The following MAPK4 variants were observed in gnomAD, a reference collection of about 807,000 sequenced individuals.
MAPK4 encodes mitogen-activated protein kinase 4.
Under a neutral mutation model 47.7 loss-of-function variants are expected in MAPK4, and 22 were observed. The observed-to-expected ratio is 0.46, with a 90% CI of 0.33 to 0.66. MAPK4 has a LOEUF of 0.66. Among genes scored for constraint, MAPK4 ranks in the 30% least tolerant of loss-of-function variants. The pLI is 0.02. For synonymous variants in MAPK4, 390 were observed against 365.7 expected (o/e 1.07, Z -0.76); for missense variants, 736 against 831.7 (o/e 0.88, Z 1.42).
intron 1 of MAPK4, among the ~76,000 whole-genome samples, chr18:50,579,270 C>T (rs2042323395): frequency 6.6e-6 from 1 of 152,232 alleles, no homozygotes; most frequent in East Asian, 1.9e-4. Flanking sequence ...GGGTACATGG[C>T]CTGTGCATCA....
intron 1 of MAPK4, among the ~76,000 whole-genome samples, chr18:50,584,370 A>T (rs1376509102): frequency 6.6e-6 from 1 of 152,180 alleles, no homozygotes; most frequent in Non-Finnish European, 1.5e-5. Flanking sequence ...CAGTGACCGA[A>T]CATGAGGCTG....
intron 1 of MAPK4, among the ~76,000 whole-genome samples, chr18:50,622,916 A>C (rs888688390): frequency 6.6e-6 from 1 of 152,248 alleles, no homozygotes; most frequent in Non-Finnish European, 1.5e-5. Context: ...TGACCTGTAC[A>C]GTCAGATACA....
chr18:50,713,411 G>C (rs954412800), intron 2 of MAPK4, among the ~76,000 whole-genome samples: 1 of 152,234 alleles, frequency 6.6e-6, no homozygotes, highest in East Asian at 1.9e-4. Flanking sequence ...GTAGTCAAGT[G>C]TATAAAAGAA....
intron 1 of MAPK4, among the ~76,000 whole-genome samples, chr18:50,572,866 C>T (rs1013600030): frequency 4.6e-5 from 7 of 152,150 alleles, no homozygotes; most frequent in Admixed American, 4.6e-4. Context: ...ATTTAATTAT[C>T]ACCACCAAAA....
chr18:50,619,384 G>C (rs1007302563), intron 1 of MAPK4, among the ~76,000 whole-genome samples: 1 of 152,214 alleles, frequency 6.6e-6, no homozygotes, highest in African/African-American at 2.4e-5. Flanking sequence ...ATACCACATA[G>C]CTCACTGTAA....
At chr18:50,597,679 A>G (rs2042495029) in intron 1 of MAPK4, among the ~76,000 whole-genome samples, 2 of 152,358 alleles carry the variant, frequency 1.3e-5, no homozygotes, top group South Asian at 2.1e-4. Flanking sequence ...CCCCCAGGAC[A>G]TAGCATAGTG....
intron 1 of MAPK4, among the ~76,000 whole-genome samples, chr18:50,644,483 G>C (rs1441378067): frequency 6.6e-6 from 1 of 152,114 alleles, no homozygotes; most frequent in African/African-American, 2.4e-5. Context: ...GGAAGGAACT[G>C]CTTTCCTTAC....
chr18:50,561,522 A>G (rs2042153270), intron 1 of MAPK4, among the ~76,000 whole-genome samples: 1 of 152,204 alleles, frequency 6.6e-6, no homozygotes, highest in African/African-American at 2.4e-5. Flanking sequence ...CAAGATAGCT[A>G]TGCTATGACC....
intron 1 of MAPK4, among the ~76,000 whole-genome samples, chr18:50,591,083 G>C (rs1003677101): frequency 2.0e-5 from 3 of 152,296 alleles, no homozygotes; most frequent in East Asian, 1.9e-4. Flanking sequence ...ACAATAATTG[G>C]CCTGACTTCT....
At chr18:50,644,146 C>T (rs898898610) in intron 1 of MAPK4, among the ~76,000 whole-genome samples, 1 of 152,040 alleles carries the variant, frequency 6.6e-6, no homozygotes, top group Non-Finnish European at 1.5e-5. Flanking sequence ...GGACACTTTG[C>T]TTAGATAACT....
Position 50,715,065 on chromosome 18 carries a change from A to T in MAPK4, c.547-14A>T. On this transcript the variant is annotated splice_polypyrimidine_tract_variant and intron_variant, in intron 2 of 5. Transcript: ENST00000400384. The stretch of plus-strand genomic sequence containing the variant: ...AAATGACTGATCAGTGGAACCAGAA[A>T]TTTTGTCTTTCAGGGTTATCTGTCA... 1 of 1,612,234 alleles carries T rather than the reference A, an allele frequency of 6.2e-7. No individual in the cohort carries two copies. The highest frequency in any genetic ancestry group is 1.7e-5 in the Admixed American group (1 of 59,576).
At chr18:50,644,277 G>A (rs1456317556) in intron 1 of MAPK4, among the ~76,000 whole-genome samples, 1 of 152,048 alleles carries the variant, frequency 6.6e-6, no homozygotes, top group Admixed American at 6.5e-5. Flanking sequence ...GAGGGAGACA[G>A]AAGAGCAGCT....
At chr18:50,645,131 C>T (rs16952303) in intron 1 of MAPK4, among the ~76,000 whole-genome samples, 3 of 152,258 alleles carry the variant, frequency 2.0e-5, no homozygotes, top group Non-Finnish European at 2.9e-5. Flanking sequence ...GCGAAAGACA[C>T]GCTCAGAGGC....
rs1158859265 is a variant in MAPK4 at position 50,729,070 on chromosome 18, G to C, written c.1068-88G>C. ...ATGGGGGTCGAAGGCAGGTGTGTGAGTGGCAAACAGGGATTAGAGGGCTTG... is the reference window on the plus strand; with the variant it reads ...ATGGGGGTCGAAGGCAGGTGTGTGACTGGCAAACAGGGATTAGAGGGCTTG... On this transcript the variant is annotated intron_variant, in intron 5 of 5. Coordinates refer to ENST00000400384, the MANE Select transcript of MAPK4 (RefSeq NM_002747.4). 5.1e-6 allele frequency: 6 copies of C among 1,172,914 alleles called. No homozygotes were observed. The Admixed American group carries it at 1.4e-4, about 27-fold the overall frequency. The allele number at this position is 1,172,914 out of a possible 1,614,324, so 72.7% of individuals were successfully genotyped here. A position where few individuals can be genotyped will look rare whatever the true frequency, so the allele number is the denominator to read the frequency against.
intron 2 of MAPK4, among the ~76,000 whole-genome samples, chr18:50,713,738 C>T (rs1047172199): frequency 6.6e-6 from 1 of 152,176 alleles, no homozygotes. Context: ...GGATATCCCT[C>T]ATGGAATGTA....
intron 1 of MAPK4, among the ~76,000 whole-genome samples, chr18:50,627,008 A>G (rs1460967466): frequency 6.6e-6 from 1 of 151,806 alleles, no homozygotes; most frequent in Non-Finnish European, 1.5e-5. Flanking sequence ...AAGGGAGAGT[A>G]TCACCATTCC....
chr18:50,681,674 A>AT (rs1336222184), intron 2 of MAPK4, among the ~76,000 whole-genome samples: 1 of 152,050 alleles, frequency 6.6e-6, no homozygotes, highest in Non-Finnish European at 1.5e-5. Flanking sequence ...TGAAAACACT[A>AT]TTTTTTCCCA....
At chr18:50,724,018 CT>C (rs908872516) in intron 4 of MAPK4, among the ~76,000 whole-genome samples, 1 of 152,078 alleles carries the variant, frequency 6.6e-6, no homozygotes, top group Admixed American at 6.5e-5. Context: ...TGGTACTCGA[CT>C]TTTTTTCTTT....
At chr18:50,707,044 C>A (rs1179988012) in intron 2 of MAPK4, among the ~76,000 whole-genome samples, 1 of 152,212 alleles carries the variant, frequency 6.6e-6, no homozygotes, top group Non-Finnish European at 1.5e-5. Context: ...AGAAGCCCAA[C>A]TCCATTGCTC....
Sources: gnomAD v4.1 joint callset for allele counts (sites outside exome capture counted in the v4.1 genomes callset) on GRCh38, gnomAD v4.1.1 for gene constraint, MANE v1.5 for transcripts, NCBI Gene and HGNC (gene_info 2026-07-23, HGNC 2026-07-21) for gene names.